Variants in EPM2AIP1 observed in about 807,000 individuals in gnomAD.
EPM2AIP1 encodes EPM2A-interacting protein 1.
A neutral mutation model predicts 44.8 loss-of-function variants in EPM2AIP1; 23 were observed. The ratio of observed to expected loss-of-function variants is 0.51; its 90% confidence interval spans 0.37 to 0.73. The LOEUF is 0.73. Ranked by LOEUF, EPM2AIP1 falls within the 30% of genes least tolerant of loss-of-function variation. The pLI, the probability that EPM2AIP1 is intolerant of heterozygous loss-of-function variation, is 0.00. For synonymous variants in EPM2AIP1, 311 were observed against 284.3 expected (o/e 1.09, Z -0.94); for missense variants, 652 against 743.9 (o/e 0.88, Z 1.44).
Position 36,992,466 on chromosome 3 carries a change from C to T in EPM2AIP1, c.612G>A (p.Val204=). 1.9e-6 allele frequency: 3 copies of T among 1,613,960 alleles called. No individual in the cohort carries two copies. The highest frequency in any genetic ancestry group is 2.5e-6 in the Non-Finnish European group (3 of 1,179,886). ...TGATTATGGTCAGAAGATCTTCTTG[C>T]ACCTCCAACTCAGGGCCTACACCGC... The part of the protein sequence containing the change: ...FIRGVGPELE[V]QEDLLTIINL... Residue 204 remains valine (V), a synonymous_variant, in exon 1 of 1, where the codon GTG becomes GTA. Transcript: ENST00000322716. The surrounding 1 kb of genome is among the most constrained non-coding windows in gnomAD (Gnocchi z 5.3).
In EPM2AIP1 at chr3:36,992,173, G is replaced by C. The variant is rs2080822019; in HGVS notation, c.905C>G (p.Ser302Cys). 5 of 1,613,948 alleles carry C rather than the reference G, an allele frequency of 3.1e-6. No individual in the cohort carries two copies. The highest frequency in any genetic ancestry group is 2.2e-5 in the East Asian group (1 of 44,884). ...VDVNQIINTISEWIVLIKTRG... is the reference protein window; with the variant it reads ...VDVNQIINTICEWIVLIKTRG... ...GGTCTTAATCAAAACTATCCATTCG[G>C]ATATGGTATTTATGATCTGATTAAC... The change falls in exon 1 of 1, where the codon TCC becomes TGC. Residue 302 changes from serine to cysteine, a missense_variant. Coordinates refer to ENST00000322716, the MANE Select transcript of EPM2AIP1 (RefSeq NM_014805.4). The surrounding 1 kb of genome is among the most constrained non-coding windows in gnomAD (Gnocchi z 5.3).
chr3:36,991,291 T>C lies in EPM2AIP1; in HGVS notation c.1787A>G (p.Asp596Gly). 1 of 1,613,588 alleles carries C rather than the reference T, an allele frequency of 6.2e-7. No homozygotes were observed. The highest frequency in any genetic ancestry group is 8.5e-7 in the Non-Finnish European group (1 of 1,179,568). ...VATTEMEPGWDDLVRERNESN... is the reference protein window; with the variant it reads ...VATTEMEPGWGDLVRERNESN... ...TTCATTTCTTTCTCTCACAAGGTCA[T>C]CCCAACCGGGCTCCATTTCAGTTGT... The change falls in exon 1 of 1, where the codon GAT becomes GGT. Residue 596 changes from aspartate (D) to glycine (G), a missense_variant. Asp to Gly is a moderately conservative substitution (Grantham distance 94). Coordinates refer to ENST00000322716, the MANE Select transcript of EPM2AIP1 (RefSeq NM_014805.4).
Position 36,985,237 on chromosome 3 carries a change from A to G in EPM2AIP1, c.*6017T>C, listed in dbSNP as rs896707664. 2.0e-5 allele frequency: 3 copies of G among 152,248 alleles called. No individual in the cohort carries two copies. The highest frequency in any genetic ancestry group is 4.4e-5 in the Non-Finnish European group (3 of 68,040). The allele number at this position is 152,248 out of a possible 1,614,324, so 9.4% of individuals were successfully genotyped here. ...TTGAACAAGACACGGAAGAGTGCAT[A>G]TAATTATTTCACTTACATAAAGTTT... is the stretch of plus-strand genomic sequence containing the variant. On this transcript the variant is annotated 3_prime_UTR_variant, in exon 1 of 1. Coordinates refer to ENST00000322716, the MANE Select transcript of EPM2AIP1 (RefSeq NM_014805.4).
chr3:36,985,283 C>T lies in EPM2AIP1; in HGVS notation c.*5971G>A, dbSNP rs1216347084. The T allele has an allele frequency of 1.3e-5, 2 of 152,110 alleles. No individual in the cohort carries two copies. The highest frequency in any genetic ancestry group is 6.5e-5 in the Admixed American group (1 of 15,272). The allele number at this position is 152,110 out of a possible 1,614,324, so 9.4% of individuals were successfully genotyped here. A position where few individuals can be genotyped will look rare whatever the true frequency, so the allele number is the denominator to read the frequency against. On this transcript the variant is annotated 3_prime_UTR_variant, in exon 1 of 1. Coordinates refer to ENST00000322716, the MANE Select transcript of EPM2AIP1 (RefSeq NM_014805.4). Reference sequence around the variant, plus strand: ...AGTTTTAAAACAGGCAAAACTAATCCGTGGTGATAAAAGGGGTTGGTGGGG... The same window carrying T: ...AGTTTTAAAACAGGCAAAACTAATCTGTGGTGATAAAAGGGGTTGGTGGGG...
rs893426471 is a variant in EPM2AIP1, at chr3:36,991,131, A to C, written c.*123T>G. 5 of 1,402,302 alleles carry C rather than the reference A, an allele frequency of 3.6e-6. No individual in the cohort carries two copies. The African/African-American group carries it at 7.1e-5, about 20-fold the overall frequency. The allele number at this position is 1,402,302 out of a possible 1,614,324, so 86.9% of individuals were successfully genotyped here. A position where few individuals can be genotyped will look rare whatever the true frequency, so the allele number is the denominator to read the frequency against. On this transcript the variant is annotated 3_prime_UTR_variant, in exon 1 of 1. Coordinates refer to ENST00000322716, the MANE Select transcript of EPM2AIP1 (RefSeq NM_014805.4). ...AACTGTCAGAATTTTAATTGTGATC[A>C]GTTTGGACGGCTGGTACTTGGTACT...
At position 36,988,750 on chromosome 3, in the gene EPM2AIP1, T is replaced by A. The variant is rs1365930350; in HGVS notation, c.*2504A>T. On this transcript the variant is annotated 3_prime_UTR_variant, in exon 1 of 1. Transcript: ENST00000322716. The stretch of plus-strand genomic sequence containing the variant: ...CAAGGACTTAGCATAGTAGAGCAAT[T>A]TGAGTGGCAATACGGGACACTGGGA... 6.6e-6 allele frequency: 1 copy of A among 152,008 alleles called. No individual in the cohort carries two copies. Among genetic ancestry groups the A allele is most frequent in the African/African-American group, 2.4e-5 (1 of 41,364 alleles). 9.4% of individuals were successfully genotyped at this position (152,008 alleles called of 1,614,324 possible). A position where few individuals can be genotyped will look rare whatever the true frequency, so the allele number is the denominator to read the frequency against.
At position 36,992,369 on chromosome 3, in the gene EPM2AIP1, T is replaced by A; in HGVS notation, c.709A>T (p.Ser237Cys). 6.2e-7 allele frequency: 1 copy of A among 1,614,012 alleles called. No homozygotes were observed. The highest frequency in any genetic ancestry group is 8.5e-7 in the Non-Finnish European group (1 of 1,179,894). ...GTCAGTCCAACCATTCTCTGCAAGC[T>A]AAGCCCTGCTGTCTGCAGGGACTCT... is the stretch of plus-strand genomic sequence containing the variant. ...ILESLQTAGL[S>C]LQRMVGLTTT... The change falls in exon 1 of 1, where the codon AGC becomes TGC. Residue 237 changes from serine to cysteine, a missense_variant. Ser to Cys is a moderately radical substitution (Grantham distance 112). Coordinates refer to ENST00000322716, the MANE Select transcript of EPM2AIP1 (RefSeq NM_014805.4). This position sits in a 1 kb window ranked among gnomAD's most constrained non-coding sequence, Gnocchi z 5.3.
Position 36,991,167 on chromosome 3 carries a change from C to T in EPM2AIP1, c.*87G>A. The T allele has an allele frequency of 6.7e-7, 1 of 1,488,100 alleles. No homozygotes were observed. The highest frequency in any genetic ancestry group is 8.9e-7 in the Non-Finnish European group (1 of 1,117,906). 92.2% of individuals were successfully genotyped at this position (1,488,100 alleles called of 1,614,324 possible). On this transcript the variant is annotated 3_prime_UTR_variant, in exon 1 of 1. Coordinates refer to ENST00000322716, the MANE Select transcript of EPM2AIP1 (RefSeq NM_014805.4). ...CTGGTACTTGGTACTTTCTCACAAT[C>T]CAAATTAGTAAACTTGAAAACTCAA...
In EPM2AIP1 at chr3:36,989,303, G is replaced by A. The variant is rs1468255824; in HGVS notation, c.*1951C>T. The A allele has an allele frequency of 2.0e-5, 3 of 150,316 alleles. No individual in the cohort carries two copies. The highest frequency in any genetic ancestry group is 3.0e-5 in the Non-Finnish European group (2 of 67,598). The allele number at this position is 150,316 out of a possible 1,614,324, so 9.3% of individuals were successfully genotyped here. ...TAGATTTTTCTGTTTTTTTTTTTCGGTTTTCCACTATGTTGTTTCTCTAGA... is the reference window on the plus strand; with the variant it reads ...TAGATTTTTCTGTTTTTTTTTTTCGATTTTCCACTATGTTGTTTCTCTAGA... On this transcript the variant is annotated 3_prime_UTR_variant, in exon 1 of 1. Coordinates refer to ENST00000322716, the MANE Select transcript of EPM2AIP1 (RefSeq NM_014805.4).
chr3:36,990,421 G>C lies in EPM2AIP1; in HGVS notation c.*833C>G. The C allele has an allele frequency of 1.0e-6, 1 of 981,416 alleles. No individual in the cohort carries two copies. Among genetic ancestry groups the C allele is most frequent in the Non-Finnish European group, 1.2e-6 (1 of 828,572 alleles). The allele number at this position is 981,416 out of a possible 1,614,324, so 60.8% of individuals were successfully genotyped here. On this transcript the variant is annotated 3_prime_UTR_variant, in exon 1 of 1. Transcript: ENST00000322716. ...TCTTTTTTCCTCATCGTTTTTGATA[G>C]GGCCAAACTTGTGTCTACAGTAAAA...
Position 36,990,275 on chromosome 3 carries a change from C to T in EPM2AIP1, c.*979G>A, listed in dbSNP as rs1238192824. 1 of 288,944 alleles carries T rather than the reference C, an allele frequency of 3.5e-6. No individual in the cohort carries two copies. Among genetic ancestry groups the T allele is most frequent in the Non-Finnish European group, 5.2e-6 (1 of 193,088 alleles). The allele number at this position is 288,944 out of a possible 1,614,324, so 17.9% of individuals were successfully genotyped here. On this transcript the variant is annotated 3_prime_UTR_variant, in exon 1 of 1. Coordinates refer to ENST00000322716, the MANE Select transcript of EPM2AIP1 (RefSeq NM_014805.4). ...TTCTAGCATCTAACAAAATCTGATACTGTATCATTTTAAAACAAAGTGTTT... is the reference window on the plus strand; with the variant it reads ...TTCTAGCATCTAACAAAATCTGATATTGTATCATTTTAAAACAAAGTGTTT...
chr3:36,991,816 A>C lies in EPM2AIP1; in HGVS notation c.1262T>G (p.Leu421Ter). 6.2e-7 allele frequency: 1 copy of C among 1,613,426 alleles called. No individual in the cohort carries two copies. The highest frequency in any genetic ancestry group is 8.5e-7 in the Non-Finnish European group (1 of 1,179,658). Residue 421 changes from leucine to a stop codon, truncating the protein, a stop_gained, in exon 1 of 1, where the codon TTA becomes TGA. Coordinates refer to ENST00000322716, the MANE Select transcript of EPM2AIP1 (RefSeq NM_014805.4). LOFTEE classifies it high-confidence loss of function. Reference sequence around the variant, plus strand: ...TTTTTCCTCAATATGTCTTTGAAATAAATTCAGCTTAACTTCGAAAGTACA... The same window carrying C: ...TTTTTCCTCAATATGTCTTTGAAATCAATTCAGCTTAACTTCGAAAGTACA... ...HICTFEVKLNLFQRHIEEKNL... is the reference protein window; with the variant it reads ...HICTFEVKLN
In EPM2AIP1 at chr3:36,990,649, G is replaced by C; in HGVS notation, c.*605C>G. 1 of 985,638 alleles carries C rather than the reference G, an allele frequency of 1.0e-6. No individual in the cohort carries two copies. The allele number at this position is 985,638 out of a possible 1,614,324, so 61.1% of individuals were successfully genotyped here. A position where few individuals can be genotyped will look rare whatever the true frequency, so the allele number is the denominator to read the frequency against. ...ATGATTCTAATGACTTCCTCTATCA[G>C]TAATGTGTTATCACTGAGGTGGGTG... is the stretch of plus-strand genomic sequence containing the variant. On this transcript the variant is annotated 3_prime_UTR_variant, in exon 1 of 1. Transcript: ENST00000322716.
Position 36,991,805 on chromosome 3 carries a change from G to A in EPM2AIP1, c.1273C>T (p.His425Tyr), listed in dbSNP as rs1224916888. Reference protein sequence around the residue: ...FEVKLNLFQRHIEEKNLTDFP... With the variant: ...FEVKLNLFQRYIEEKNLTDFP... The stretch of plus-strand genomic sequence containing the variant: ...TCTGTTAGATTTTTTTCCTCAATAT[G>A]TCTTTGAAATAAATTCAGCTTAACT... The change falls in exon 1 of 1, where the codon CAT (histidine) becomes TAT (tyrosine). Residue 425 changes from histidine to tyrosine, a missense_variant. By Grantham distance (83) the His-to-Tyr change is moderately conservative (BLOSUM62 2). Transcript: ENST00000322716. 1 of 1,613,192 alleles carries A rather than the reference G, an allele frequency of 6.2e-7. No homozygotes were observed. Among genetic ancestry groups the A allele is most frequent in the Non-Finnish European group, 8.5e-7 (1 of 1,179,654 alleles).
chr3:36,992,116 A>T lies in EPM2AIP1; in HGVS notation c.962T>A (p.Leu321Ter). ...RGVRRPEFQT[L>*]LTESESEHGE... is the part of the protein sequence containing the mutation. ...ATGCTCTGATTCAGATTCCGTTAGT[A>T]AAGTCTGAAATTCAGGTCGCCTAAC... Residue 321 changes from leucine to a stop codon, truncating the protein, a stop_gained, in exon 1 of 1, where the codon TTA (leucine) becomes TAA (stop). Transcript: ENST00000322716. LOFTEE classifies it high-confidence loss of function. The surrounding 1 kb of genome is among the most constrained non-coding windows in gnomAD (Gnocchi z 5.3). 1 of 1,614,056 alleles carries T rather than the reference A, an allele frequency of 6.2e-7. No homozygotes were observed. The highest frequency in any genetic ancestry group is 8.5e-7 in the Non-Finnish European group (1 of 1,179,902).
Position 36,992,205 on chromosome 3 carries a change from A to G in EPM2AIP1, c.873T>C (p.Asp291=). Residue 291 remains aspartate, a synonymous_variant, in exon 1 of 1, where the codon GAT becomes GAC. Transcript: ENST00000322716. This position sits in a 1 kb window ranked among gnomAD's most constrained non-coding sequence, Gnocchi z 5.3. ...TATTTATGATCTGATTAACATCTAC[A>G]TCATAGGAGCTCAACAGTTCCAAGT... ...FLHLELLSSY[D]VDVNQIINTI... 6.2e-7 allele frequency: 1 copy of G among 1,613,970 alleles called. No individual in the cohort carries two copies. Among genetic ancestry groups the G allele is most frequent in the South Asian group, 1.1e-5 (1 of 91,084 alleles).
chr3:36,988,532 G>A lies in EPM2AIP1; in HGVS notation c.*2722C>T, dbSNP rs540609487. The A allele has an allele frequency of 6.6e-6, 1 of 152,318 alleles. No individual in the cohort carries two copies. Among genetic ancestry groups the A allele is most frequent in the East Asian group, 1.9e-4 (1 of 5,188 alleles). The allele number at this position is 152,318 out of a possible 1,614,324, so 9.4% of individuals were successfully genotyped here. ...GCATATAAATGGTAAGGAAACCATGGAAGGAAATGAGATCAGCTAGCGAGC... is the reference window on the plus strand; with the variant it reads ...GCATATAAATGGTAAGGAAACCATGAAAGGAAATGAGATCAGCTAGCGAGC... On this transcript the variant is annotated 3_prime_UTR_variant, in exon 1 of 1. Transcript: ENST00000322716.
Position 36,992,068 on chromosome 3 carries a change from C to G in EPM2AIP1, c.1010G>C (p.Cys337Ser). The G allele has an allele frequency of 6.2e-7, 1 of 1,614,044 alleles. No individual in the cohort carries two copies. The highest frequency in any genetic ancestry group is 2.2e-5 in the East Asian group (1 of 44,894). The stretch of plus-strand genomic sequence containing the variant: ...CCCTCTCCTAAGCCAATTGTTCAGA[C>G]ATCGTCCATTAACCCTTTCACCATG... ...SEHGERVNGR[C>S]LNNWLRRGKT... is the part of the protein sequence containing the mutation. The change falls in exon 1 of 1, where the codon TGT becomes TCT. Residue 337 changes from cysteine (C) to serine (S), a missense_variant. Cys to Ser is a moderately radical substitution (Grantham distance 112). Transcript: ENST00000322716. This position sits in a 1 kb window ranked among gnomAD's most constrained non-coding sequence, Gnocchi z 5.3.
rs1054882326 is a variant in EPM2AIP1, at chr3:36,991,123, T to C, written c.*131A>G. The C allele has an allele frequency of 2.6e-5, 36 of 1,378,742 alleles. No homozygotes were observed. The highest frequency in any genetic ancestry group is 2.1e-5 in the South Asian group (1 of 48,430). The allele number at this position is 1,378,742 out of a possible 1,614,324, so 85.4% of individuals were successfully genotyped here. On this transcript the variant is annotated 3_prime_UTR_variant, in exon 1 of 1. Coordinates refer to ENST00000322716, the MANE Select transcript of EPM2AIP1 (RefSeq NM_014805.4). The stretch of plus-strand genomic sequence containing the variant: ...AAAAAGGCAACTGTCAGAATTTTAA[T>C]TGTGATCAGTTTGGACGGCTGGTAC...
Sources: gnomAD v4.1 joint callset for allele counts on GRCh38, gnomAD v4.1.1 for gene constraint, Gnocchi (gnomAD v3.1) non-coding constraint, MANE v1.5 for transcripts, NCBI Gene and HGNC (gene_info 2026-07-23, HGNC 2026-07-21) for gene names.